The following KDM2A variants were observed in gnomAD, a reference collection of about 807,000 sequenced individuals.
KDM2A encodes lysine demethylase 2A.
A neutral mutation model predicts 137.3 loss-of-function variants in KDM2A; 3 were observed. That is an observed-to-expected ratio of 0.02 (90% confidence interval 0.01 to 0.06). The LOEUF is 0.06. KDM2A is among the 10% of genes least tolerant of loss of function. The pLI, the probability that KDM2A is intolerant of heterozygous loss-of-function variation, is 1.00. For synonymous variants in KDM2A, 512 were observed against 541.5 expected (o/e 0.95, Z 0.76); for missense variants, 738 against 1,510.6 (o/e 0.49, Z 8.48).
rs753689622 is a variant in KDM2A, at chr11:67,188,147, G to GTA, written c.307+6256_307+6257dup. On this transcript the variant is annotated intron_variant, in intron 5 of 20. Coordinates refer to ENST00000529006, the MANE Select transcript of KDM2A (RefSeq NM_012308.3). ...TTGAGGCTGTTCTGATCACACCACT[G>GTA]TAGTCCAGCCTGGGTGACAGAGCCA... 1.8e-4 allele frequency among the ~76,000 whole-genome samples: 28 copies of GTA among 152,204 alleles called. No homozygotes were observed. The South Asian group carries it at 3.7e-3, about 20-fold the overall frequency.
Position 67,215,455 on chromosome 11 carries a change from T to C in KDM2A, c.593+9T>C. On this transcript the variant is annotated intron_variant, in intron 7 of 20. Transcript: ENST00000529006. ...TACCCTAAAGTGCAGAAGTAAGTGA[T>C]GCGCCCTGCATCTTCCTCCGTGTGC... 1 of 1,571,234 alleles carries C rather than the reference T, an allele frequency of 6.4e-7. No individual in the cohort carries two copies. The highest frequency in any genetic ancestry group is 8.8e-7 in the Non-Finnish European group (1 of 1,141,682).
At chr11:67,135,320 T>C (rs1330736757) in intron 2 of KDM2A, among the ~76,000 whole-genome samples, 1 of 152,176 alleles carries the variant, frequency 6.6e-6, no homozygotes, top group Non-Finnish European at 1.5e-5. Context: ...TGCCTCGGCC[T>C]CCAAAAGTGT....
intron 5 of KDM2A, among the ~76,000 whole-genome samples, chr11:67,206,941 T>C (rs1228795955): frequency 6.6e-6 from 1 of 152,254 alleles, no homozygotes; most frequent in African/African-American, 2.4e-5. Context: ...GGGGACTTTG[T>C]TCTTCATGAA....
chr11:67,143,002 T>G (rs1856149534), intron 2 of KDM2A, among the ~76,000 whole-genome samples: 1 of 150,292 alleles, frequency 6.7e-6, no homozygotes, highest in African/African-American at 2.4e-5. Flanking sequence ...ACACTTCAGT[T>G]ATATATATAT....
At chr11:67,124,502 C>T (rs546384445) in intron 2 of KDM2A, among the ~76,000 whole-genome samples, 8 of 146,934 alleles carry the variant, frequency 5.4e-5, no homozygotes, top group East Asian at 4.2e-4. Flanking sequence ...TTAGTTGAGA[C>T]GGGGTTTCGC....
chr11:67,170,396 T>C (rs1354748220), intron 2 of KDM2A, among the ~76,000 whole-genome samples: 50 of 148,792 alleles, frequency 3.4e-4, no homozygotes, highest in South Asian at 1.3e-3. Context: ...GGTTTTTTTT[T>C]TTTCTTTCTT....
intron 2 of KDM2A, among the ~76,000 whole-genome samples, chr11:67,160,093 C>T (rs772786194): frequency 1.3e-5 from 2 of 152,168 alleles, no homozygotes; most frequent in Non-Finnish European, 2.9e-5. Context: ...CTCACTGCCT[C>T]TTCCCTGATA....
chr11:67,170,408 C>CTTTTTTT (rs923665021), intron 2 of KDM2A, among the ~76,000 whole-genome samples: 115 of 92,808 alleles, frequency 1.2e-3, no homozygotes, highest in Non-Finnish European at 1.6e-3. Context: ...TTCTTTCTTT[C>CTTTTTTT]TTTTTTTTTT....
At chr11:67,125,972 A>G (rs1486231196) in intron 2 of KDM2A, among the ~76,000 whole-genome samples, 1 of 146,344 alleles carries the variant, frequency 6.8e-6, no homozygotes, top group African/African-American at 2.5e-5. Flanking sequence ...AAGGCCAGGC[A>G]CAGTGTCTCA....
At chr11:67,186,399 A>G (rs1014249837) in intron 5 of KDM2A, among the ~76,000 whole-genome samples, 38 of 152,234 alleles carry the variant, frequency 2.5e-4, no homozygotes, top group Non-Finnish European at 2.5e-4. Context: ...CAAGCATCCT[A>G]TATCTGGCAA....
chr11:67,137,272 C>T lies in KDM2A; in HGVS notation c.42+15914C>T, dbSNP rs528489087. 7.9e-5 allele frequency among the ~76,000 whole-genome samples: 12 copies of T among 152,246 alleles called. No individual in the cohort carries two copies. The South Asian group carries it at 2.5e-3, about 32-fold the overall frequency. On this transcript the variant is annotated intron_variant, in intron 2 of 20. Transcript: ENST00000529006. ...GATCAAATAGGGCATTATCCTGAAG[C>T]CATTGGGAAGGCAGAAGTTCAGCAG...
At chr11:67,199,025 C>T (rs1004955885) in intron 5 of KDM2A, among the ~76,000 whole-genome samples, 4 of 152,088 alleles carry the variant, frequency 2.6e-5, no homozygotes, top group African/African-American at 4.8e-5. Flanking sequence ...GTGATTCACC[C>T]GCCTTGGCCT....
chr11:67,241,620 C>T (rs1482150869), intron 12 of KDM2A, among the ~76,000 whole-genome samples: 2 of 152,198 alleles, frequency 1.3e-5, no homozygotes, highest in Admixed American at 1.3e-4. Context: ...CAGTTACCAT[C>T]CTGTACATAC....
intron 2 of KDM2A, among the ~76,000 whole-genome samples, chr11:67,144,900 C>T (rs184835666): frequency 4.7e-5 from 7 of 149,548 alleles, no homozygotes; most frequent in Admixed American, 2.7e-4. Context: ...GACAGAGTCT[C>T]GCTCTGTCAT....
chr11:67,167,417 A>G (rs538299672), intron 2 of KDM2A, among the ~76,000 whole-genome samples: 17 of 152,242 alleles, frequency 1.1e-4, no homozygotes, highest in Non-Finnish European at 2.9e-5. Flanking sequence ...TTCTTGACCA[A>G]TTAGTTTTGT....
intron 5 of KDM2A, among the ~76,000 whole-genome samples, chr11:67,206,553 A>G (rs1042472070): frequency 6.6e-6 from 1 of 152,252 alleles, no homozygotes; most frequent in African/African-American, 2.4e-5. Context: ...CCTGGGCAAC[A>G]TGGTGAAACC....
At chr11:67,224,752 T>G (rs915668450) in intron 10 of KDM2A, among the ~76,000 whole-genome samples, 1 of 150,750 alleles carries the variant, frequency 6.6e-6, no homozygotes, top group African/African-American at 2.4e-5. Flanking sequence ...AGGCTTGAGC[T>G]ATCTTGTCCG....
intron 6 of KDM2A, among the ~76,000 whole-genome samples, chr11:67,209,189 T>TC (rs973874853): frequency 1.3e-5 from 2 of 151,904 alleles, no homozygotes; most frequent in Non-Finnish European, 2.9e-5. Flanking sequence ...TGCCTCGGTC[T>TC]CCCAAAGTGC....
At chr11:67,200,746 A>G (rs1590776768) in intron 5 of KDM2A, among the ~76,000 whole-genome samples, 1 of 151,892 alleles carries the variant, frequency 6.6e-6, no homozygotes, top group East Asian at 1.9e-4. Context: ...GGCTCAAGGG[A>G]TTTGCCTGCC....
Sources: allele counts gnomAD v4.1 joint callset (sites outside exome capture counted in the v4.1 genomes callset), GRCh38; gene constraint gnomAD v4.1.1; transcripts MANE v1.5; gene names NCBI Gene and HGNC (gene_info 2026-07-23, HGNC 2026-07-21).